The following TAOK2 variants were observed in gnomAD, a reference collection of about 807,000 sequenced individuals.
TAOK2 encodes serine/threonine-protein kinase TAO2.
TAOK2 carries 42 observed loss-of-function variants against 122.5 expected under a neutral mutation model. The observed-to-expected ratio is 0.34, with a 90% CI of 0.27 to 0.44. TAOK2 has a LOEUF of 0.44. TAOK2 is among the 20% of genes least tolerant of loss of function. The pLI, the probability that TAOK2 is intolerant of heterozygous loss-of-function variation, is 1.00. For synonymous variants in TAOK2, 704 were observed against 677.6 expected (o/e 1.04, Z -0.61); for missense variants, 1,264 against 1,644.9 (o/e 0.77, Z 4.01).
At chr16:29,989,696 C>G, downstream of TAOK2, 2 of 1,614,104 alleles carry the variant, frequency 1.2e-6, no homozygotes, top group African/African-American at 2.7e-5. Flanking sequence ...ACGCCCAAAG[C>G]TCAGCACAAG....
intron 5 of TAOK2, 44 bp from the exon 6 acceptor site, chr16:29,978,930 C>T: frequency 6.2e-7 from 1 of 1,613,296 alleles, no homozygotes; most frequent in South Asian, 1.1e-5. Flanking sequence ...ATTCCAGTCC[C>T]ACCCTTGCGC....
chr16:29,985,916 A>ACCCTTTT lies in TAOK2; in HGVS notation c.1992+58_1992+64dup. 6.4e-7 allele frequency: 1 copy of ACCCTTTT among 1,562,478 alleles called. No homozygotes were observed. ...GCTCACTCGTGGATCCCAGGGACCC[A>ACCCTTTT]CCCTTTTCCATTTTCCTCATTCTTG... On this transcript the variant is annotated intron_variant, in intron 15 of 15. Transcript: ENST00000308893. The surrounding 1 kb of genome is among the most constrained non-coding windows in gnomAD (Gnocchi z 6.9).
chr16:29,985,270 G>A lies in TAOK2; in HGVS notation c.1480G>A (p.Gly494Ser), dbSNP rs2150899713. The stretch of plus-strand genomic sequence containing the variant: ...CTCTGCGCTGCGGGAGCAGCTGAGC[G>A]GCTATAAGCGGATGCGACGACAGCA... ...QDSALREQLS[G>S]YKRMRRQHQK... Residue 494 changes from glycine (G) to serine (S), a missense_variant, in exon 14 of 16, where the codon GGC becomes AGC. By Grantham distance (56) the Gly-to-Ser change is moderately conservative (BLOSUM62 0). Transcript: ENST00000308893. The surrounding 1 kb of genome is among the most constrained non-coding windows in gnomAD (Gnocchi z 6.9). 7 of 1,571,976 alleles carry A rather than the reference G, an allele frequency of 4.5e-6. No homozygotes were observed. The highest frequency in any genetic ancestry group is 2.3e-5 in the East Asian group (1 of 44,322).
At chr16:29,991,969 T>A, downstream of TAOK2, 1 of 162,354 alleles carries the variant, frequency 6.2e-6, no homozygotes, top group Non-Finnish European at 1.3e-5. The surrounding 1 kb of genome is among the most constrained non-coding windows in gnomAD (Gnocchi z 5.6). Context: ...GTCTGGGGCC[T>A]GAGGCAGGGA....
chr16:29,986,478 G>T lies in TAOK2; in HGVS notation c.2206G>T (p.Val736Phe). Residue 736 changes from valine (V) to phenylalanine (F), a missense_variant, in exon 16 of 16, where the codon GTT (valine) becomes TTT (phenylalanine). Transcript: ENST00000308893. This position sits in a 1 kb window ranked among gnomAD's most constrained non-coding sequence, Gnocchi z 4.2. ...GTTGCGGCAGAAGCATGCGGCCCAG[G>T]TTCGCCAGCAGCCCAAGAGCCTCAA... ...QELRQKHAAQVRQQPKSLKVR... is the reference protein window; with the variant it reads ...QELRQKHAAQFRQQPKSLKVR... 1 of 1,604,602 alleles carries T rather than the reference G, an allele frequency of 6.2e-7. No homozygotes were observed. Among genetic ancestry groups the T allele is most frequent in the Non-Finnish European group, 8.5e-7 (1 of 1,175,156 alleles).
Position 29,988,348 on chromosome 16 carries a change from A to C in TAOK2, c.*368A>C. 1.5e-6 allele frequency: 2 copies of C among 1,373,890 alleles called. No individual in the cohort carries two copies. Among genetic ancestry groups the C allele is most frequent in the Non-Finnish European group, 1.9e-6 (2 of 1,044,846 alleles). The allele number at this position is 1,373,890 out of a possible 1,614,324, so 85.1% of individuals were successfully genotyped here. ...CCTTCCAACCTGTCCCCTTCCCCCC[A>C]CCAAAAAAAGAAAAAGACAAACACA... On this transcript the variant is annotated 3_prime_UTR_variant, in exon 16 of 16. Coordinates refer to ENST00000308893, the MANE Select transcript of TAOK2 (RefSeq NM_016151.4).
chr16:29,982,980 C>T, intron 11 of TAOK2, 79 bp downstream of exon 11: 1 of 1,603,708 alleles, frequency 6.2e-7, no homozygotes, highest in Non-Finnish European at 8.5e-7. Context: ...CCTTCCCCAG[C>T]CCTACTCACA....
rs1401737575 is a variant in TAOK2 at position 29,987,095 on chromosome 16, C to G, written c.2823C>G (p.Ser941Arg). The stretch of plus-strand genomic sequence containing the variant: ...CACACCTGAGGCCCTGCCCTGCCAG[C>G]CAGCTCCCTGGACTCCTGTCCCATG... ...PPTHLRPCPA[S>R]QLPGLLSHGL... The change falls in exon 16 of 16, where the codon AGC becomes AGG. Residue 941 changes from serine (S) to arginine (R), a missense_variant. Around this residue, in one of 4 missense-constraint regions of TAOK2, gnomAD observed 824 missense variants for 908.7 expected, o/e 0.91. Coordinates refer to ENST00000308893, the MANE Select transcript of TAOK2 (RefSeq NM_016151.4). 7.4e-6 allele frequency: 12 copies of G among 1,613,242 alleles called. No homozygotes were observed. The highest frequency in any genetic ancestry group is 1.0e-5 in the Non-Finnish European group (12 of 1,179,472).
intron 13 of TAOK2, among the ~76,000 whole-genome samples, chr16:29,984,058 G>C (rs2069705408): frequency 3.9e-5 from 6 of 152,168 alleles, no homozygotes; most frequent in Admixed American, 3.3e-4. Flanking sequence ...GGAGCCCTGT[G>C]CCGGGGGTGC....
At chr16:29,990,230 G>A (rs2069934135), downstream of TAOK2, 1 of 180,306 alleles carries the variant, frequency 5.5e-6, no homozygotes, top group Non-Finnish European at 1.2e-5. Flanking sequence ...TAAAATGTGC[G>A]GAGAGGGTGG....
downstream of TAOK2, chr16:29,989,688 G>A (rs200151456): frequency 6.5e-5 from 105 of 1,614,074 alleles, 1 homozygote; most frequent in East Asian, 2.2e-3. Context: ...TGGAGACCAC[G>A]CCCAAAGCTC....
In TAOK2 at chr16:29,987,225, C is replaced by T; in HGVS notation, c.2953C>T (p.Leu985=). 6.5e-7 allele frequency: 1 copy of T among 1,542,790 alleles called. No homozygotes were observed. Among genetic ancestry groups the T allele is most frequent in the Non-Finnish European group, 8.7e-7 (1 of 1,150,926 alleles). ...PLLAAQGGGG[L]QAALLALEVG... ...GCTGGCAGCCCAGGGTGGGGGTGGC[C>T]TGCAGGCAGCGCTGCTGGCCCTTGA... is the stretch of plus-strand genomic sequence containing the variant. Residue 985 remains leucine, a synonymous_variant, in exon 16 of 16, where the codon CTG becomes TTG. Transcript: ENST00000308893.
Position 29,977,896 on chromosome 16 carries a change from G to A in TAOK2, c.124G>A (p.Val42Ile), listed in dbSNP as rs1206406398. The stretch of plus-strand genomic sequence containing the variant: ...AATTGGCCATGGCAGCTTTGGAGCC[G>A]TATACTTTGTGAGTTGGGTCTTGGG... Reference protein sequence around the residue: ...REIGHGSFGAVYFARDVRNSE... With the variant: ...REIGHGSFGAIYFARDVRNSE... The change falls in exon 2 of 16, where the codon GTA becomes ATA. Residue 42 changes from valine (V) to isoleucine (I), a missense_variant. By Grantham distance (29) the Val-to-Ile change is conservative. This residue lies in a region of TAOK2 where 254 missense variants were observed against 503.8 expected (regional missense o/e 0.50). Coordinates refer to ENST00000308893, the MANE Select transcript of TAOK2 (RefSeq NM_016151.4). 4 of 1,614,146 alleles carry A rather than the reference G, an allele frequency of 2.5e-6. No homozygotes were observed. Among genetic ancestry groups the A allele is most frequent in the Admixed American group, 1.7e-5 (1 of 60,024 alleles).
At chr16:29,983,805 C>T in intron 13 of TAOK2, 141 bp downstream of exon 13, 1 of 1,283,774 alleles carries the variant, frequency 7.8e-7, no homozygotes. Flanking sequence ...TGCCTGCTCC[C>T]CTTAACCCTC....
Position 29,979,262 on chromosome 16 carries a change from G to A in TAOK2, c.517G>A (p.Ala173Thr). 6.2e-7 allele frequency: 1 copy of A among 1,614,204 alleles called. No homozygotes were observed. The highest frequency in any genetic ancestry group is 8.5e-7 in the Non-Finnish European group (1 of 1,180,026). ...AGTGAAGCTAGGGGACTTTGGTTCT[G>A]CGTCCATCATGGCACCTGCCAACTC... The part of the protein sequence containing the change: ...GLVKLGDFGS[A>T]SIMAPANSFV... The change falls in exon 7 of 16, where the codon GCG becomes ACG. Residue 173 changes from alanine to threonine, a missense_variant. By Grantham distance (58) the Ala-to-Thr change is moderately conservative. Around this residue, in one of 4 missense-constraint regions of TAOK2, gnomAD observed 254 missense variants for 503.8 expected, o/e 0.50. Transcript: ENST00000308893. This position sits in a 1 kb window ranked among gnomAD's most constrained non-coding sequence, Gnocchi z 4.1.
chr16:29,983,527 C>T lies in TAOK2; in HGVS notation c.1285C>T (p.Pro429Ser), dbSNP rs2069686385. The change falls in exon 13 of 16, where the codon CCC becomes TCC. Residue 429 changes from proline (P) to serine (S), a missense_variant. Physicochemically the swap from Pro to Ser is moderately conservative, Grantham distance 74 (BLOSUM62 -1). This residue lies in a region of TAOK2 where 122 missense variants were observed against 116.7 expected (regional missense o/e 1.04). Coordinates refer to ENST00000308893, the MANE Select transcript of TAOK2 (RefSeq NM_016151.4). Reference protein sequence around the residue: ...LPGSDNLYDDPYQPEITPSPL... With the variant: ...LPGSDNLYDDSYQPEITPSPL... ...GGGCTCTGACAACCTATATGATGACCCCTACCAGCCAGAGATAACCCCCAG... is the reference window on the plus strand; with the variant it reads ...GGGCTCTGACAACCTATATGATGACTCCTACCAGCCAGAGATAACCCCCAG... 1.2e-6 allele frequency: 2 copies of T among 1,612,982 alleles called. No individual in the cohort carries two copies. The highest frequency in any genetic ancestry group is 1.7e-6 in the Non-Finnish European group (2 of 1,179,364).
Position 29,987,467 on chromosome 16 carries a change from G to T in TAOK2, c.3195G>T (p.Ala1065=). 1.3e-6 allele frequency: 2 copies of T among 1,592,058 alleles called. No homozygotes were observed. Among genetic ancestry groups the T allele is most frequent in the Non-Finnish European group, 1.7e-6 (2 of 1,167,314 alleles). ...GLALPLVAMA[A]GGRWVRQQGP... The stretch of plus-strand genomic sequence containing the variant: ...CTCTACCTCTGGTGGCTATGGCAGC[G>T]GGGGGCAGATGGGTGCGGCAGCAGG... The change falls in exon 16 of 16, where the codon GCG becomes GCT. Residue 1065 remains alanine (A), a synonymous_variant. Coordinates refer to ENST00000308893, the MANE Select transcript of TAOK2 (RefSeq NM_016151.4).
In TAOK2 at chr16:29,983,559, C is replaced by A. The variant is rs538697973; in HGVS notation, c.1317C>A (p.Leu439=). The change falls in exon 13 of 16, where the codon CTC becomes CTA. Residue 439 remains leucine, a synonymous_variant. Transcript: ENST00000308893. The part of the protein sequence containing the change: ...PYQPEITPSP[L]QPPAAPAPTS... ...AGCCAGAGATAACCCCCAGCCCTCT[C>A]CAGCCGCCTGCAGCCCCAGCTCCCA... The A allele has an allele frequency of 3.2e-5, 52 of 1,614,074 alleles. 3 individuals carry two copies. In the South Asian group the frequency reaches 5.3e-4, roughly 16 times the overall value.
chr16:29,989,612 A>C (rs1273167917), downstream of TAOK2: 1 of 1,613,926 alleles, frequency 6.2e-7, no homozygotes. Context: ...CTGCAGATCA[A>C]GAAGCAGTTC....
Sources: gnomAD v4.1 joint callset for allele counts (sites outside exome capture counted in the v4.1 genomes callset) on GRCh38, gnomAD v4.1.1 for gene constraint, gnomAD v4.1.1 regional missense constraint, Gnocchi (gnomAD v3.1) non-coding constraint, MANE v1.5 for transcripts, NCBI Gene and HGNC (gene_info 2026-07-23, HGNC 2026-07-21) for gene names.